Variants in NOD1 observed in about 807,000 individuals in gnomAD.
NOD1 encodes nucleotide binding oligomerization domain containing 1.
A neutral mutation model predicts 81.2 loss-of-function variants in NOD1; 70 were observed. The ratio of observed to expected loss-of-function variants is 0.86; its 90% CI spans 0.71 to 1.05. The LOEUF is 1.05. Among genes scored for constraint, NOD1 ranks in the 50% least tolerant of loss-of-function variants. NOD1 has a pLI of 0.00. For missense variants in NOD1, 1,233 were observed against 1,228.0 expected, an observed-to-expected ratio of 1.00 and a Z score of -0.06; for synonymous variants, 508 against 526.9, an observed-to-expected ratio of 0.96 and a Z score of 0.49.
intron 1 of NOD1, among the ~76,000 whole-genome samples, chr7:30,477,572 C>T (rs1206693229): frequency 6.6e-6 from 1 of 152,118 alleles, no homozygotes; most frequent in African/African-American, 2.4e-5. Flanking sequence ...TGGAGCGCAA[C>T]AGGGCGATCT....
chr7:30,429,531 A>G (rs1461966006), intron 12 of NOD1, 74 bp from the exon 13 acceptor site: 1 of 1,346,020 alleles, frequency 7.4e-7, no homozygotes, highest in Non-Finnish European at 1.1e-6. Flanking sequence ...GGGAGTTGCA[A>G]GGGTGTTTTG....
At chr7:30,433,573 T>C (rs1208824523) in intron 11 of NOD1, among the ~76,000 whole-genome samples, 3 of 152,188 alleles carry the variant, frequency 2.0e-5, no homozygotes, top group African/African-American at 4.8e-5. Context: ...CCAAGTTAGT[T>C]TGAAGACCTG....
rs998396950 is a variant in NOD1, at chr7:30,458,745, T to C, written c.-122+407A>G. ...AAATACTAATCCAGCCTTTTCTTTT[T>C]TTTTTTTTTTTGACAGAGTCCCACT... On this transcript the variant is annotated intron_variant, in intron 3 of 13. Transcript: ENST00000222823. 5.9e-5 allele frequency among the ~76,000 whole-genome samples: 9 copies of C among 151,522 alleles called. No individual in the cohort carries two copies. In the East Asian group the frequency reaches 7.7e-4, roughly 13 times the overall value.
chr7:30,430,778 C>T (rs2127992161), intron 12 of NOD1, among the ~76,000 whole-genome samples: 1 of 152,346 alleles, frequency 6.6e-6, no homozygotes, highest in East Asian at 1.9e-4. Context: ...GGGAAGGGAG[C>T]TCTTGTCACT....
At position 30,451,472 on chromosome 7, in the gene NOD1, T is replaced by A. The variant is rs771280399; in HGVS notation, c.1945A>T (p.Met649Leu). 3.7e-6 allele frequency: 6 copies of A among 1,613,306 alleles called. No homozygotes were observed. The South Asian group carries it at 4.4e-5, about 12-fold the overall frequency. The part of the protein sequence containing the change: ...QVESFNQVQA[M>L]PTFIWMLRCI... The stretch of plus-strand genomic sequence containing the variant: ...CGCAGCATCCAGATGAACGTGGGCA[T>A]GGCCTGCACCTGGTTGAAGCTTTCG... The change falls in exon 6 of 14, where the codon ATG becomes TTG. Residue 649 changes from methionine (M) to leucine (L), a missense_variant. By Grantham distance (15) the Met-to-Leu change is conservative (BLOSUM62 2). Transcript: ENST00000222823. This position sits in a 1 kb window ranked among gnomAD's most constrained non-coding sequence, Gnocchi z 4.2.
chr7:30,429,413 G>A lies in NOD1; in HGVS notation c.2750C>T (p.Ala917Val). Residue 917 changes from alanine (A) to valine (V), a missense_variant, in exon 13 of 14, where the codon GCA becomes GTA. Transcript: ENST00000222823. ...GCCAGTGTTGCTCTGTAACGCATCTGCCAGCTGGGCAGTCCCCTTAGCTGT... is the reference window on the plus strand; with the variant it reads ...GCCAGTGTTGCTCTGTAACGCATCTACCAGCTGGGCAGTCCCCTTAGCTGT... ...QITAKGTAQL[A>V]DALQSNTGIT... 6.2e-7 allele frequency: 1 copy of A among 1,614,152 alleles called. No homozygotes were observed. Among genetic ancestry groups the A allele is most frequent in the Non-Finnish European group, 8.5e-7 (1 of 1,179,980 alleles).
Position 30,425,642 on chromosome 7 carries a change from A to T in NOD1, c.2858T>A (p.Phe953Tyr), listed in dbSNP as rs925366941. The change falls in exon 14 of 14, where the codon TTC (phenylalanine) becomes TAC (tyrosine). Residue 953 changes from phenylalanine (F) to tyrosine (Y), a missense_variant. Physicochemically the swap from Phe to Tyr is conservative, Grantham distance 22. Transcript: ENST00000222823. The part of the protein sequence containing the change: ...VYEDEKRIIC[F>Y] ...CATGAACAGGAAAGCATCCTCTCAG[A>T]AACAGATAATCCGCTTCTCATCTTC... 6.2e-7 allele frequency: 1 copy of T among 1,612,606 alleles called. No individual in the cohort carries two copies. The highest frequency in any genetic ancestry group is 8.5e-7 in the Non-Finnish European group (1 of 1,178,666).
At chr7:30,445,896 A>T (rs1785012030) in intron 9 of NOD1, among the ~76,000 whole-genome samples, 1 of 151,986 alleles carries the variant, frequency 6.6e-6, no homozygotes, top group South Asian at 2.1e-4. Context: ...GAGGTAGAGT[A>T]GTCAAAACCA....
intron 1 of NOD1, among the ~76,000 whole-genome samples, chr7:30,464,521 G>C (rs1209593290): frequency 6.6e-6 from 1 of 152,234 alleles, no homozygotes; most frequent in African/African-American, 2.4e-5. Flanking sequence ...TGGATGTTAA[G>C]GCTTTATACA....
At chr7:30,455,803 T>C (rs955897018) in intron 4 of NOD1, among the ~76,000 whole-genome samples, 1 of 152,128 alleles carries the variant, frequency 6.6e-6, no homozygotes, top group Non-Finnish European at 1.5e-5. Flanking sequence ...GTTTTCCCCA[T>C]GTTGGCCAGG....
At position 30,424,592 on chromosome 7, in the gene NOD1, A is replaced by ACC. The variant is rs200206565; in HGVS notation, c.*1044_*1045dup. 0.021 allele frequency: 3,245 copies of ACC among 151,882 alleles called. 41 individuals carry two copies. The highest frequency in any genetic ancestry group is 0.058 in the Middle Eastern group (17 of 294). 9.4% of individuals were successfully genotyped at this position (151,882 alleles called of 1,614,324 possible). ...AGAGGACAAGTGATCTAGTAGTATC[A>ACC]CCCCCACCCTCATGGAGCAGCCACC... On this transcript the variant is annotated 3_prime_UTR_variant, in exon 14 of 14. Coordinates refer to ENST00000222823, the MANE Select transcript of NOD1 (RefSeq NM_006092.4).
intron 11 of NOD1, among the ~76,000 whole-genome samples, chr7:30,434,308 G>C (rs1351259239): frequency 6.6e-6 from 1 of 152,208 alleles, no homozygotes; most frequent in Non-Finnish European, 1.5e-5. Context: ...AGGGCTTCTA[G>C]GTGTTGACAT....
chr7:30,431,267 T>C (rs1450374118), intron 12 of NOD1, among the ~76,000 whole-genome samples: 2 of 152,162 alleles, frequency 1.3e-5, no homozygotes, highest in South Asian at 2.1e-4. Flanking sequence ...GAAAAAACAA[T>C]ATGTAGCAGA....
rs1474510049 is a variant in NOD1, at chr7:30,459,219, A to G, written c.-189T>C. ...TAAAACAACATTGTTTAAATCTTCAATTTCCAATTTATTTCTGGAATCTGC... is the reference window on the plus strand; with the variant it reads ...TAAAACAACATTGTTTAAATCTTCAGTTTCCAATTTATTTCTGGAATCTGC... On this transcript the variant is annotated 5_prime_UTR_variant, in exon 3 of 14. Transcript: ENST00000222823. The G allele has an allele frequency of 6.6e-6, 1 of 152,650 alleles. No individual in the cohort carries two copies. The highest frequency in any genetic ancestry group is 2.4e-5 in the African/African-American group (1 of 41,454). The allele number at this position is 152,650 out of a possible 1,614,324, so 9.5% of individuals were successfully genotyped here. A position where few individuals can be genotyped will look rare whatever the true frequency, so the allele number is the denominator to read the frequency against.
chr7:30,457,751 G>C (rs936362593), intron 3 of NOD1, among the ~76,000 whole-genome samples: 1 of 152,086 alleles, frequency 6.6e-6, no homozygotes, highest in African/African-American at 2.4e-5. Context: ...GGTGGGAGAC[G>C]GTCTCAGCAC....
chr7:30,451,969 A>ACCT lies in NOD1; in HGVS notation c.1445_1447dup (p.Glu482dup), dbSNP rs1785775693. On this transcript the variant is annotated inframe_insertion, in exon 6 of 14. Coordinates refer to ENST00000222823, the MANE Select transcript of NOD1 (RefSeq NM_006092.4). This position sits in a 1 kb window ranked among gnomAD's most constrained non-coding sequence, Gnocchi z 4.2. Reference sequence around the variant, plus strand: ...TCTCTCCTGCAGCCCGGAGGCCTGCACCTCCTCCTGGGTGAAGACAAAGAG... The same window carrying ACCT: ...TCTCTCCTGCAGCCCGGAGGCCTGCACCTCCTCCTCCTGGGTGAAGACAAAGAG... The ACCT allele has an allele frequency of 1.2e-6, 2 of 1,613,338 alleles. No homozygotes were observed. The highest frequency in any genetic ancestry group is 1.7e-6 in the Non-Finnish European group (2 of 1,179,988).
intron 9 of NOD1, among the ~76,000 whole-genome samples, chr7:30,445,756 CAAAAAAAA>C (rs35669955): frequency 5.5e-5 from 2 of 36,078 alleles, no homozygotes; most frequent in East Asian, 9.3e-4. Context: ...GAGACTCTGT[CAAAAAAAA>C]AAAAAAAAAA....
intron 10 of NOD1, among the ~76,000 whole-genome samples, chr7:30,437,272 A>T (rs2128009162): frequency 6.6e-6 from 1 of 152,360 alleles, no homozygotes; most frequent in South Asian, 2.1e-4. Context: ...TACCTAATGC[A>T]TGCAGGGCTT....
At chr7:30,449,502 A>T (rs1371822175) in intron 6 of NOD1, among the ~76,000 whole-genome samples, 1 of 152,172 alleles carries the variant, frequency 6.6e-6, no homozygotes, top group African/African-American at 2.4e-5. Flanking sequence ...CTTCCTTCTT[A>T]CTGATAGCTA....
Sources: gnomAD v4.1 joint callset for allele counts (sites outside exome capture counted in the v4.1 genomes callset) on GRCh38, gnomAD v4.1.1 for gene constraint, Gnocchi (gnomAD v3.1) non-coding constraint, MANE v1.5 for transcripts, NCBI Gene and HGNC (gene_info 2026-07-23, HGNC 2026-07-21) for gene names.